ARHGEF6: variants seen among roughly 807,000 people sequenced by gnomAD.
ARHGEF6 encodes the protein rho guanine nucleotide exchange factor 6.
In ARHGEF6, 9 loss-of-function variants were observed where a neutral mutation model predicts 70.3. The ratio of observed to expected loss-of-function variants is 0.13; its 90% CI spans 0.08 to 0.22. The LOEUF (loss-of-function observed/expected upper bound fraction) is 0.22, where lower values mean the gene tolerates loss of function less well. Among genes scored for constraint, ARHGEF6 ranks in the 10% least tolerant of loss-of-function variants. ARHGEF6 has a pLI of 1.00. For synonymous variants in ARHGEF6, 201 were observed against 207.8 expected (o/e 0.97, Z 0.28); for missense variants, 470 against 563.0 (o/e 0.83, Z 1.67).
chrX:136,704,059 T>C (rs1313755994), intron 9 of ARHGEF6, among the ~76,000 whole-genome samples: 1 of 112,500 alleles, frequency 8.9e-6, no homozygotes, highest in Non-Finnish European at 1.9e-5. Context: ...TATAAAGAAC[T>C]GTTGCAACTC....
intron 1 of ARHGEF6, among the ~76,000 whole-genome samples, chrX:136,780,489 G>A (rs2077438862): frequency 1.8e-5 from 2 of 112,046 alleles, no homozygotes; most frequent in Admixed American, 1.9e-4. Context: ...GTTGCCAGTG[G>A]TGTCACAGGT....
chrX:136,727,599 T>C (rs886847845), intron 6 of ARHGEF6, among the ~76,000 whole-genome samples: 3 of 99,750 alleles, frequency 3.0e-5, no homozygotes, highest in African/African-American at 1.1e-4. Flanking sequence ...AATGGTGCAA[T>C]CTCGGCTCAC....
intron 2 of ARHGEF6, among the ~76,000 whole-genome samples, chrX:136,769,848 A>T (rs1409068566): frequency 8.9e-6 from 1 of 112,357 alleles, no homozygotes; most frequent in African/African-American, 3.2e-5. Context: ...TGCCTTCTCC[A>T]TTCTGTAAGA....
chrX:136,729,000 T>TTCTCTCTCTC (rs746818580), intron 6 of ARHGEF6, among the ~76,000 whole-genome samples: 3 of 16,073 alleles, frequency 1.9e-4, no homozygotes, highest in African/African-American at 3.2e-4. Flanking sequence ...TCCTTATTCA[T>TTCTCTCTCTC]TCTCTCTCTC....
chrX:136,674,046 TA>T (rs1240664283), intron 19 of ARHGEF6, among the ~76,000 whole-genome samples: 1 of 111,630 alleles, frequency 9.0e-6, no homozygotes, highest in Non-Finnish European at 1.9e-5. Context: ...TTTGTGTTTT[TA>T]GTAGAGACAG....
intron 11 of ARHGEF6, 147 bp downstream of exon 11, chrX:136,687,785 T>G: frequency 1.8e-6 from 1 of 555,241 alleles, no homozygotes. Context: ...AGGACAAAAT[T>G]AAGTGAAACA....
At chrX:136,704,238 T>A (rs1426759608) in intron 9 of ARHGEF6, among the ~76,000 whole-genome samples, 1 of 111,559 alleles carries the variant, frequency 9.0e-6, no homozygotes, top group Non-Finnish European at 1.9e-5. Flanking sequence ...TAGAGGGGAG[T>A]AATAAAAATG....
At chrX:136,778,541 C>T (rs1239101978) in intron 2 of ARHGEF6, among the ~76,000 whole-genome samples, 3 of 107,930 alleles carry the variant, frequency 2.8e-5, no homozygotes, top group Non-Finnish European at 5.8e-5. Flanking sequence ...GGCTGGAGTG[C>T]AGTGGTGCAA....
intron 6 of ARHGEF6, among the ~76,000 whole-genome samples, chrX:136,724,996 T>C (rs900172627): frequency 2.7e-5 from 3 of 112,274 alleles, no homozygotes; most frequent in Non-Finnish European, 5.6e-5. Flanking sequence ...TTCACTCTGC[T>C]TCTCCCCCAT....
intron 2 of ARHGEF6, among the ~76,000 whole-genome samples, chrX:136,773,428 CAAG>C (rs1238476200): frequency 8.9e-6 from 1 of 112,233 alleles, no homozygotes; most frequent in Non-Finnish European, 1.9e-5. Flanking sequence ...AAGCTTCAGA[CAAG>C]ATGATGAGTC....
intron 2 of ARHGEF6, among the ~76,000 whole-genome samples, chrX:136,748,868 T>C (rs936945304): frequency 1.8e-5 from 2 of 111,988 alleles, no homozygotes; most frequent in Non-Finnish European, 3.8e-5. Flanking sequence ...CTTGAAAACC[T>C]ATAATCTGTT....
intron 5 of ARHGEF6, among the ~76,000 whole-genome samples, chrX:136,733,129 T>TA (rs2076952691): frequency 9.1e-6 from 1 of 110,245 alleles, no homozygotes; most frequent in South Asian, 3.8e-4. Flanking sequence ...TTCTTTTTTT[T>TA]TAAAAAAAAA....
At chrX:136,771,265 C>T (rs777940199) in intron 2 of ARHGEF6, among the ~76,000 whole-genome samples, 2 of 112,045 alleles carry the variant, frequency 1.8e-5, no homozygotes, top group African/African-American at 3.2e-5. Flanking sequence ...AAGATGGCAA[C>T]ACTCTCCAAA....
intron 8 of ARHGEF6, 66 bp from the exon 9 acceptor site, chrX:136,707,096 C>T (rs1223145124): frequency 8.8e-7 from 1 of 1,139,933 alleles, no homozygotes. Flanking sequence ...AAGATTATTC[C>T]AATTAAACCT....
chrX:136,771,046 A>C (rs914729289), intron 2 of ARHGEF6, among the ~76,000 whole-genome samples: 1 of 112,336 alleles, frequency 8.9e-6, no homozygotes, highest in African/African-American at 3.2e-5. Context: ...TTTAAATACC[A>C]AATCAAGAAA....
intron 9 of ARHGEF6, among the ~76,000 whole-genome samples, chrX:136,694,396 C>T (rs1408669353): frequency 8.9e-6 from 1 of 112,097 alleles, no homozygotes; most frequent in African/African-American, 3.3e-5. Context: ...TACTTGCTCC[C>T]TTCTCTGGCC....
At chrX:136,680,071 G>A (rs1277649805) in intron 15 of ARHGEF6, among the ~76,000 whole-genome samples, 1 of 112,088 alleles carries the variant, frequency 8.9e-6, no homozygotes, top group East Asian at 2.8e-4. Context: ...CTAGTAATTG[G>A]CAAAGCCAAG....
At chrX:136,767,071 G>A in intron 2 of ARHGEF6, 4 of 744,790 alleles carry the variant, frequency 5.4e-6, no homozygotes, top group Non-Finnish European at 6.3e-6. Flanking sequence ...CTCCAAAGGG[G>A]GTCCTTCGGC....
chrX:136,754,577 C>T (rs1282691441), intron 2 of ARHGEF6, among the ~76,000 whole-genome samples: 13 of 60,968 alleles, frequency 2.1e-4, no homozygotes, highest in Admixed American at 6.1e-4. Flanking sequence ...AGCGAAACCC[C>T]GCCTCAAAAA....
Sources: allele counts gnomAD v4.1 joint callset (sites outside exome capture counted in the v4.1 genomes callset), GRCh38; gene constraint gnomAD v4.1.1; transcripts MANE v1.5; gene names NCBI Gene and HGNC (gene_info 2026-07-23, HGNC 2026-07-21).